The following TCF12 variants were observed in gnomAD, a reference collection of about 807,000 sequenced individuals.
TCF12 encodes the protein transcription factor 12.
TCF12 carries 45 observed loss-of-function variants against 86.0 expected under a neutral mutation model. The ratio of observed to expected loss-of-function variants is 0.52; its 90% CI spans 0.41 to 0.67. The LOEUF is 0.67. TCF12 is among the 30% of genes least tolerant of loss of function. The pLI, the probability that TCF12 is intolerant of heterozygous loss-of-function variation, is 0.00. For missense variants in TCF12, 881 were observed against 859.9 expected, an observed-to-expected ratio of 1.02 and a Z score of -0.31; for synonymous variants, 330 against 299.6, an observed-to-expected ratio of 1.10 and a Z score of -1.05.
chr15:57,059,051 T>C (rs2068245024), intron 3 of TCF12, among the ~76,000 whole-genome samples: 1 of 152,244 alleles, frequency 6.6e-6, no homozygotes, highest in African/African-American at 2.4e-5. Flanking sequence ...CAGAATTCTT[T>C]CATCAAATCA....
chr15:56,980,420 G>A (rs1281832637), intron 3 of TCF12, among the ~76,000 whole-genome samples: 1 of 152,096 alleles, frequency 6.6e-6, no homozygotes, highest in Admixed American at 6.6e-5. Context: ...AAGAATCCGG[G>A]CAGTGTGCAG....
intron 19 of TCF12, among the ~76,000 whole-genome samples, chr15:57,275,515 G>A (rs2061364380): frequency 6.6e-6 from 1 of 151,822 alleles, no homozygotes; most frequent in Non-Finnish European, 1.5e-5. Context: ...CTTCATACAG[G>A]CCACAATACC....
At chr15:57,207,150 C>CTG (rs1176075192) in intron 8 of TCF12, among the ~76,000 whole-genome samples, 13 of 152,160 alleles carry the variant, frequency 8.5e-5, no homozygotes, top group African/African-American at 3.1e-4. Context: ...AAGATAGTTG[C>CTG]TGGCAGCTTG....
chr15:57,148,231 G>T (rs2053504085), intron 5 of TCF12, among the ~76,000 whole-genome samples: 1 of 151,846 alleles, frequency 6.6e-6, no homozygotes, highest in South Asian at 2.1e-4. Context: ...AGAAAGGCTA[G>T]AGTGGGGTTA....
At chr15:57,243,638 A>C (rs2059728520) in intron 13 of TCF12, 88 bp downstream of exon 13, 2 of 1,194,130 alleles carry the variant, frequency 1.7e-6, no homozygotes, top group Admixed American at 4.2e-5. Context: ...TTTAATAAAA[A>C]TTTGTGAAAA....
At chr15:57,264,310 C>T (rs1257362006) in intron 18 of TCF12, among the ~76,000 whole-genome samples, 1 of 139,608 alleles carries the variant, frequency 7.2e-6, no homozygotes, top group African/African-American at 2.6e-5. Flanking sequence ...AAGTGATTCT[C>T]CTGCCTCAGC....
At chr15:57,130,760 G>A (rs2052047938) in intron 5 of TCF12, among the ~76,000 whole-genome samples, 1 of 152,116 alleles carries the variant, frequency 6.6e-6, no homozygotes, top group Non-Finnish European at 1.5e-5. Context: ...AAATGTGCTT[G>A]TTGTGTTACA....
chr15:57,042,392 G>C (rs546640600), intron 3 of TCF12, among the ~76,000 whole-genome samples: 62 of 151,988 alleles, frequency 4.1e-4, no homozygotes, highest in Middle Eastern at 3.4e-3. Context: ...TCACTTTTTG[G>C]TATATGCAAA....
At chr15:56,968,532 T>G (rs944820048) in intron 3 of TCF12, among the ~76,000 whole-genome samples, 8 of 152,062 alleles carry the variant, frequency 5.3e-5, no homozygotes, top group African/African-American at 1.7e-4. Flanking sequence ...TCATATCACT[T>G]TTATAGCACT....
At chr15:57,044,820 A>AGG (rs1385219861) in intron 3 of TCF12, among the ~76,000 whole-genome samples, 2 of 151,984 alleles carry the variant, frequency 1.3e-5, no homozygotes, top group African/African-American at 4.8e-5. Context: ...ACATGTTTTG[A>AGG]GGTTAGTGGA....
chr15:56,934,408 T>C (rs2140291713), intron 3 of TCF12, among the ~76,000 whole-genome samples: 1 of 152,204 alleles, frequency 6.6e-6, no homozygotes, highest in South Asian at 2.1e-4. Flanking sequence ...AAAGAGGAGG[T>C]TATGAAACGC....
chr15:57,151,094 C>T lies in TCF12; in HGVS notation c.326-15308C>T, dbSNP rs143913937. Among the ~76,000 whole-genome samples, 1,197 of 151,434 alleles carry T rather than the reference C, an allele frequency of 7.9e-3. 7 individuals are homozygous for T. Among genetic ancestry groups the T allele is most frequent in the Non-Finnish European group, 0.011 (729 of 67,878 alleles). On this transcript the variant is annotated intron_variant, in intron 5 of 20. Coordinates refer to ENST00000333725, the MANE Select transcript of TCF12 (RefSeq NM_207037.2). ...ATTGGATCAAGTGATCCTCCTGCTT[C>T]ACCCTCCCAAGTAGCTAGGACTGCA...
intron 3 of TCF12, among the ~76,000 whole-genome samples, chr15:56,955,665 G>T (rs532249722): frequency 6.6e-6 from 1 of 152,308 alleles, no homozygotes; most frequent in African/African-American, 2.4e-5. Context: ...AATATGGTTT[G>T]CCTTGGCAAA....
At chr15:57,007,260 A>G (rs2064437855) in intron 3 of TCF12, among the ~76,000 whole-genome samples, 2 of 152,214 alleles carry the variant, frequency 1.3e-5, no homozygotes. Context: ...TTATCTACCA[A>G]TATTAAAATG....
At chr15:57,228,938 G>C (rs949212159) in intron 8 of TCF12, among the ~76,000 whole-genome samples, 1 of 151,908 alleles carries the variant, frequency 6.6e-6, no homozygotes, top group Non-Finnish European at 1.5e-5. Flanking sequence ...CTATAACCTG[G>C]ATAAAATTAG....
intron 3 of TCF12, among the ~76,000 whole-genome samples, chr15:57,028,327 T>C (rs1157427061): frequency 6.6e-6 from 1 of 152,048 alleles, no homozygotes; most frequent in Non-Finnish European, 1.5e-5. Context: ...GAAAATGTAC[T>C]AATAAACACA....
intron 8 of TCF12, among the ~76,000 whole-genome samples, chr15:57,202,027 T>C (rs777207886): frequency 1.4e-4 from 22 of 152,234 alleles, no homozygotes; most frequent in South Asian, 6.2e-4. Context: ...TTGTTAGTGG[T>C]GCAAGACTTC....
At chr15:56,923,295 T>A (rs1181557780) in intron 3 of TCF12, among the ~76,000 whole-genome samples, 1 of 152,100 alleles carries the variant, frequency 6.6e-6, no homozygotes, top group Non-Finnish European at 1.5e-5. Flanking sequence ...GCATGTGATG[T>A]TATCTTTAAT....
intron 16 of TCF12, among the ~76,000 whole-genome samples, chr15:57,260,713 A>AT (rs1363929748): frequency 2.0e-5 from 3 of 152,118 alleles, no homozygotes; most frequent in African/African-American, 7.2e-5. Flanking sequence ...GCAGCCGTAT[A>AT]TTATGTTTGC....
Sources: gnomAD v4.1 joint callset for allele counts (sites outside exome capture counted in the v4.1 genomes callset) on GRCh38, gnomAD v4.1.1 for gene constraint, MANE v1.5 for transcripts, NCBI Gene and HGNC (gene_info 2026-07-23, HGNC 2026-07-21) for gene names.